MRC1: variants seen among roughly 807,000 people sequenced by gnomAD.
MRC1 encodes macrophage mannose receptor 1.
A neutral mutation model predicts 102.9 loss-of-function variants in MRC1; 62 were observed. The ratio of observed to expected loss-of-function variants is 0.60; its 90% confidence interval spans 0.49 to 0.74. MRC1 has a LOEUF of 0.74. Among genes scored for constraint, MRC1 ranks in the 30% least tolerant of loss-of-function variants. The pLI is 0.00. For synonymous variants in MRC1, 457 were observed against 298.4 expected (o/e 1.53, Z -5.48); for missense variants, 1,237 against 862.8 (o/e 1.43, Z -5.43).
At chr10:17,901,096 T>C in intron 25 of MRC1, 143 bp downstream of exon 25, 1 of 673,162 alleles carries the variant, frequency 1.5e-6, no homozygotes, top group Non-Finnish European at 2.7e-6. Context: ...ATCAAAAGAC[T>C]ATCTTTATAA....
At position 17,885,308 on chromosome 10, in the gene MRC1, C is replaced by T. The variant is rs1833577611; in HGVS notation, c.3020C>T (p.Ala1007Val). Residue 1007 changes from alanine (A) to valine (V), a missense_variant, in exon 22 of 30, where the codon GCC becomes GTC. By Grantham distance (64) the Ala-to-Val change is moderately conservative (BLOSUM62 0). Coordinates refer to ENST00000569591, the MANE Select transcript of MRC1 (RefSeq NM_002438.4). The stretch of plus-strand genomic sequence containing the variant: ...CACATGAAGGACTCCACTTTCAGTG[C>T]CTGGACTGGGCTGAATGATGTCAAT... ...TYHMKDSTFS[A>V]WTGLNDVNSE... is the part of the protein sequence containing the mutation. 1 of 780,864 alleles carries T rather than the reference C, an allele frequency of 1.3e-6. No homozygotes were observed. Among genetic ancestry groups the T allele is most frequent in the Admixed American group, 1.7e-5 (1 of 59,034 alleles). 48.4% of individuals were successfully genotyped at this position (780,864 alleles called of 1,614,324 possible). A position where few individuals can be genotyped will look rare whatever the true frequency, so the allele number is the denominator to read the frequency against.
At chr10:17,898,935 T>A (rs1554843545) in intron 24 of MRC1, among the ~76,000 whole-genome samples, 1 of 152,096 alleles carries the variant, frequency 6.6e-6, no homozygotes, top group East Asian at 1.9e-4. Flanking sequence ...GATATGACAG[T>A]CAGCAATTAA....
At chr10:17,900,497 C>T (rs1322029303) in intron 24 of MRC1, among the ~76,000 whole-genome samples, 2 of 151,990 alleles carry the variant, frequency 1.3e-5, no homozygotes, top group African/African-American at 4.8e-5. Context: ...AACCTGCAAA[C>T]AAGGGGAGTT....
chr10:17,852,789 A>G (rs1352742864), intron 7 of MRC1, among the ~76,000 whole-genome samples, 178 bp from the exon 8 acceptor site: 3 of 152,222 alleles, frequency 2.0e-5, no homozygotes, highest in South Asian at 2.1e-4. Flanking sequence ...TGTAGTTGGC[A>G]TCTAAGTCGA....
intron 8 of MRC1, among the ~76,000 whole-genome samples, chr10:17,855,839 C>T (rs892307346): frequency 8.5e-5 from 13 of 152,194 alleles, no homozygotes; most frequent in African/African-American, 2.9e-4. Context: ...TCTTAATTTT[C>T]CTCCTCTGAG....
At position 17,885,317 on chromosome 10, in the gene MRC1, G is replaced by C. The variant is rs1833577757; in HGVS notation, c.3029G>C (p.Gly1010Ala). The C allele has an allele frequency of 2.6e-6, 2 of 780,810 alleles. No individual in the cohort carries two copies. The highest frequency in any genetic ancestry group is 4.8e-6 in the Non-Finnish European group (2 of 417,944). The allele number at this position is 780,810 out of a possible 1,614,324, so 48.4% of individuals were successfully genotyped here. A position where few individuals can be genotyped will look rare whatever the true frequency, so the allele number is the denominator to read the frequency against. ...MKDSTFSAWT[G>A]LNDVNSEHTF... Reference sequence around the variant, plus strand: ...GACTCCACTTTCAGTGCCTGGACTGGGCTGAATGATGTCAATTCAGAACAC... The same window carrying C: ...GACTCCACTTTCAGTGCCTGGACTGCGCTGAATGATGTCAATTCAGAACAC... Residue 1010 changes from glycine to alanine, a missense_variant, in exon 22 of 30, where the codon GGG (glycine) becomes GCG (alanine). By Grantham distance (60) the Gly-to-Ala change is moderately conservative. Coordinates refer to ENST00000569591, the MANE Select transcript of MRC1 (RefSeq NM_002438.4).
rs1554839250 is a variant in MRC1 at position 17,833,843 on chromosome 10, A to G, written c.802+4A>G. 385,575 of 780,350 alleles carry G rather than the reference A, an allele frequency of 0.49. 96,886 individuals are homozygous for G. The highest frequency in any genetic ancestry group is 0.54 in the Non-Finnish European group (223,963 of 417,870). 48.3% of individuals were successfully genotyped at this position (780,350 alleles called of 1,614,324 possible). A position where few individuals can be genotyped will look rare whatever the true frequency, so the allele number is the denominator to read the frequency against. On this transcript the variant is annotated splice_donor_region_variant and intron_variant, in intron 4 of 29. Coordinates refer to ENST00000569591, the MANE Select transcript of MRC1 (RefSeq NM_002438.4). ...CATGAGCAAACATACCTGACAGGTA[A>G]GGACATGAAAAGTCTCAAGTAAAAT...
intron 2 of MRC1, among the ~76,000 whole-genome samples, chr10:17,826,310 C>A (rs1456477949): frequency 3.9e-5 from 6 of 152,116 alleles, no homozygotes; most frequent in Non-Finnish European, 1.5e-5. Flanking sequence ...TCAAGCGATT[C>A]TCCTGCCTCA....
intron 12 of MRC1, among the ~76,000 whole-genome samples, chr10:17,869,514 T>C (rs1467525008): frequency 3.9e-5 from 6 of 152,156 alleles, no homozygotes; most frequent in Admixed American, 6.5e-5. Context: ...ATGGCCACGA[T>C]TACCTCCTTT....
At chr10:17,828,678 T>C (rs1323508825) in intron 3 of MRC1, among the ~76,000 whole-genome samples, 1 of 151,550 alleles carries the variant, frequency 6.6e-6, no homozygotes, top group South Asian at 2.1e-4. Context: ...GCCATTTAGT[T>C]TCACACAGCT....
chr10:17,822,152 T>G (rs958011566), intron 1 of MRC1, among the ~76,000 whole-genome samples: 2 of 152,222 alleles, frequency 1.3e-5, no homozygotes, highest in African/African-American at 2.4e-5. Context: ...TCCTTACATA[T>G]TTACTTGAAT....
At chr10:17,906,825 C>A (rs1375156238) in intron 26 of MRC1, 61 bp from the exon 27 acceptor site, 5 of 780,228 alleles carry the variant, frequency 6.4e-6, no homozygotes, top group Admixed American at 3.4e-5. Flanking sequence ...GTGCTGTTTA[C>A]AAAAATATTT....
chr10:17,827,314 A>C (rs1219902754), intron 2 of MRC1, among the ~76,000 whole-genome samples: 1 of 145,586 alleles, frequency 6.9e-6, no homozygotes, highest in Non-Finnish European at 1.5e-5. Context: ...TGCTAAGTAC[A>C]GACAGCTCTA....
intron 3 of MRC1, among the ~76,000 whole-genome samples, chr10:17,829,133 C>T (rs924705006): frequency 1.3e-5 from 2 of 151,528 alleles, no homozygotes; most frequent in Non-Finnish European, 2.9e-5. Flanking sequence ...AAAGAGCATT[C>T]GATATGGTCT....
At chr10:17,896,914 C>T (rs1026405032) in intron 23 of MRC1, among the ~76,000 whole-genome samples, 5 of 152,180 alleles carry the variant, frequency 3.3e-5, no homozygotes, top group Admixed American at 6.5e-5. Flanking sequence ...AAGGATATCT[C>T]GATCCCTAGA....
intron 1 of MRC1, 79 bp downstream of exon 1, chr10:17,809,605 G>C (rs1265304166): frequency 7.1e-6 from 6 of 846,628 alleles, no homozygotes; most frequent in Non-Finnish European, 1.3e-5. Flanking sequence ...ACTGTGAATG[G>C]GTTCCTTTCA....
At chr10:17,820,410 T>C (rs1838377564) in intron 1 of MRC1, among the ~76,000 whole-genome samples, 1 of 151,620 alleles carries the variant, frequency 6.6e-6, no homozygotes, top group Admixed American at 6.6e-5. Context: ...TAGAGTGAAA[T>C]TAAGATGAAC....
chr10:17,809,930 G>A (rs1838197676), intron 1 of MRC1, among the ~76,000 whole-genome samples: 1 of 152,166 alleles, frequency 6.6e-6, no homozygotes, highest in Non-Finnish European at 1.5e-5. Context: ...TCTCTGGCTG[G>A]AAGGAGGGCA....
At chr10:17,893,874 T>G (rs1833715311) in intron 22 of MRC1, among the ~76,000 whole-genome samples, 1 of 152,338 alleles carries the variant, frequency 6.6e-6, no homozygotes, top group South Asian at 2.1e-4. Context: ...TGGTAATTAG[T>G]ATGGAGAGGA....
Sources: allele counts gnomAD v4.1 joint callset (sites outside exome capture counted in the v4.1 genomes callset), GRCh38; gene constraint gnomAD v4.1.1; transcripts MANE v1.5; gene names NCBI Gene and HGNC (gene_info 2026-07-23, HGNC 2026-07-21).